The following TRIM24 variants were observed in gnomAD, a reference collection of about 807,000 sequenced individuals.
The protein encoded by TRIM24 is transcription intermediary factor 1-alpha.
A neutral mutation model predicts 123.9 loss-of-function variants in TRIM24; 29 were observed. The ratio of observed to expected loss-of-function variants is 0.23; its 90% CI spans 0.17 to 0.32. TRIM24 has a LOEUF of 0.32. Among genes scored for constraint, TRIM24 ranks in the 10% least tolerant of loss-of-function variants. TRIM24 has a pLI of 1.00. For synonymous variants in TRIM24, 456 were observed against 461.1 expected (o/e 0.99, Z 0.14); for missense variants, 932 against 1,295.3 (o/e 0.72, Z 4.31).
intron 4 of TRIM24, among the ~76,000 whole-genome samples, chr7:138,522,291 G>A (rs1415562921): frequency 6.6e-6 from 1 of 151,152 alleles, no homozygotes; most frequent in Non-Finnish European, 1.5e-5. Context: ...AGCTGAGATG[G>A]CACCATTGCA....
chr7:138,526,934 T>C (rs1796622693), intron 5 of TRIM24, among the ~76,000 whole-genome samples: 1 of 152,192 alleles, frequency 6.6e-6, no homozygotes, highest in Non-Finnish European at 1.5e-5. Flanking sequence ...GTAGCAATCA[T>C]AAAATAATTA....
chr7:138,534,975 T>G (rs1194300911), intron 6 of TRIM24, among the ~76,000 whole-genome samples: 1 of 152,244 alleles, frequency 6.6e-6, no homozygotes, highest in Non-Finnish European at 1.5e-5. Context: ...TGTAATGGCC[T>G]TCTTTGTCTC....
intron 7 of TRIM24, among the ~76,000 whole-genome samples, chr7:138,547,339 A>T (rs763478709): frequency 2.8e-4 from 43 of 152,230 alleles, no homozygotes; most frequent in Non-Finnish European, 5.6e-4. Flanking sequence ...TGAGACCTAG[A>T]ATTAATAACA....
chr7:138,580,883 T>C (rs1031802822), intron 16 of TRIM24, among the ~76,000 whole-genome samples, 189 bp downstream of exon 16: 13 of 152,132 alleles, frequency 8.5e-5, no homozygotes, highest in African/African-American at 3.1e-4. Flanking sequence ...AATCACAGAA[T>C]TAATGCATGT....
chr7:138,508,700 C>CGCGCGCGCGCGCGTGT (rs1182276337), intron 2 of TRIM24, among the ~76,000 whole-genome samples: 1 of 35,510 alleles, frequency 2.8e-5, no homozygotes, highest in Non-Finnish European at 8.0e-5. Context: ...TGTGCGCGCG[C>CGCGCGCGCGCGCGTGT]GTGTGTGCGT....
chr7:138,501,012 G>C (rs1246822125), intron 1 of TRIM24, among the ~76,000 whole-genome samples: 1 of 152,048 alleles, frequency 6.6e-6, no homozygotes, highest in East Asian at 1.9e-4. Flanking sequence ...TCATGGTGGT[G>C]CTTGCAGGAC....
chr7:138,500,818 C>T (rs1003842296), intron 1 of TRIM24, among the ~76,000 whole-genome samples: 3 of 152,216 alleles, frequency 2.0e-5, no homozygotes, highest in Non-Finnish European at 2.9e-5. Flanking sequence ...GCCTACTACA[C>T]ACCAAGAGAA....
intron 1 of TRIM24, among the ~76,000 whole-genome samples, chr7:138,483,694 C>A (rs1236502274): frequency 1.3e-5 from 2 of 152,180 alleles, no homozygotes; most frequent in African/African-American, 4.8e-5. Context: ...ACTACATTGC[C>A]AGGCAGGGCC....
chr7:138,578,186 ATAAGG>A (rs1797805082), intron 14 of TRIM24, among the ~76,000 whole-genome samples: 2 of 152,198 alleles, frequency 1.3e-5, no homozygotes, highest in African/African-American at 2.4e-5. Flanking sequence ...AACTGAAAAT[ATAAGG>A]TAATTACAGA....
chr7:138,543,232 A>T (rs1473860551), intron 7 of TRIM24, among the ~76,000 whole-genome samples: 2 of 152,368 alleles, frequency 1.3e-5, no homozygotes, highest in African/African-American at 4.8e-5. Context: ...AGAGATAGTC[A>T]TCTATATGAT....
intron 9 of TRIM24, among the ~76,000 whole-genome samples, chr7:138,557,618 G>A (rs2116642026): frequency 6.6e-6 from 1 of 152,198 alleles, no homozygotes; most frequent in East Asian, 1.9e-4. Context: ...CTGGAACATG[G>A]GCTAATTTTT....
At chr7:138,519,122 A>T in intron 3 of TRIM24, 67 bp from the exon 4 acceptor site, 1 of 1,577,910 alleles carries the variant, frequency 6.3e-7, no homozygotes, top group Non-Finnish European at 8.7e-7. Flanking sequence ...TCAAATGAGC[A>T]ATCTAATAAT....
intron 2 of TRIM24, among the ~76,000 whole-genome samples, chr7:138,511,369 T>C (rs112171640): frequency 0.021 from 3,168 of 151,764 alleles, 92 homozygotes; most frequent in African/African-American, 0.07. Flanking sequence ...TGGCCAGTCT[T>C]GGCTCACTGC....
At chr7:138,515,120 C>T (rs148496279) in intron 2 of TRIM24, 92 bp from the exon 3 acceptor site, 1 of 1,315,476 alleles carries the variant, frequency 7.6e-7, no homozygotes, top group South Asian at 1.9e-5. Flanking sequence ...CTGATTTAGC[C>T]TGGTACAATT....
chr7:138,515,444 T>C, intron 3 of TRIM24, 85 bp downstream of exon 3: 1 of 1,466,876 alleles, frequency 6.8e-7, no homozygotes, highest in Non-Finnish European at 9.3e-7. Context: ...TTGACACATT[T>C]GTTTTGATAA....
chr7:138,536,564 C>G (rs1015115058), intron 6 of TRIM24, among the ~76,000 whole-genome samples: 7 of 152,218 alleles, frequency 4.6e-5, no homozygotes, highest in Admixed American at 3.3e-4. Context: ...GCTGCCTGAT[C>G]GTTCCTCTGG....
At chr7:138,504,581 G>T (rs1341034475) in intron 2 of TRIM24, among the ~76,000 whole-genome samples, 173 bp downstream of exon 2, 1 of 149,882 alleles carries the variant, frequency 6.7e-6, no homozygotes, top group East Asian at 2.0e-4. Flanking sequence ...TCCTGCCTCA[G>T]CCTCCCGAGT....
chr7:138,463,843 A>C (rs76964975), intron 1 of TRIM24, among the ~76,000 whole-genome samples: 3,609 of 152,208 alleles, frequency 0.024, 122 homozygotes, highest in African/African-American at 0.079. Context: ...GTTTTAACAA[A>C]TTGTACTTAA....
rs748665661 is a variant in TRIM24 at position 138,525,351 on chromosome 7, A to G, written c.875A>G (p.Gln292Arg). The G allele has an allele frequency of 3.4e-6, 5 of 1,472,572 alleles. No individual in the cohort carries two copies. The highest frequency in any genetic ancestry group is 1.4e-5 in the South Asian group (1 of 70,500). The allele number at this position is 1,472,572 out of a possible 1,614,324, so 91.2% of individuals were successfully genotyped here. ...KYIKFTGNQI[Q>R]NRIIEVNQNQ... ...ATAAAATTCACAGGAAATCAGATCC[A>G]AAACAGGTAATTTTATGGTATTATG... Residue 292 changes from glutamine to arginine, a missense_variant, in exon 5 of 19, where the codon CAA becomes CGA. Physicochemically the swap from Gln to Arg is conservative, Grantham distance 43 (BLOSUM62 1). This residue lies in a region of TRIM24 where 527 missense variants were observed against 691.3 expected (regional missense o/e 0.76). Transcript: ENST00000343526.
Sources: gnomAD v4.1 joint callset for allele counts (sites outside exome capture counted in the v4.1 genomes callset) on GRCh38, gnomAD v4.1.1 for gene constraint, gnomAD v4.1.1 regional missense constraint, MANE v1.5 for transcripts, NCBI Gene and HGNC (gene_info 2026-07-23, HGNC 2026-07-21) for gene names.